Variants in KIRREL3 observed in about 807,000 individuals in gnomAD.
The protein encoded by KIRREL3 is kin of IRRE-like protein 3.
Under a neutral mutation model 89.7 loss-of-function variants are expected in KIRREL3, and 36 were observed. The ratio of observed to expected loss-of-function variants is 0.40; its 90% CI spans 0.31 to 0.53. The LOEUF is 0.53. Ranked by LOEUF, KIRREL3 falls within the 20% of genes least tolerant of loss-of-function variation. The pLI, the probability that KIRREL3 is intolerant of heterozygous loss-of-function variation, is 0.49. For synonymous variants in KIRREL3, 445 were observed against 441.4 expected, an observed-to-expected ratio of 1.01 and a Z score of -0.10; for missense variants, 864 against 1,056.6, an observed-to-expected ratio of 0.82 and a Z score of 2.53.
At position 126,868,268 on chromosome 11, in the gene KIRREL3, G is replaced by A. The variant is rs528622278; in HGVS notation, c.55+132187C>T. Reference sequence around the variant, plus strand: ...AGATTGGAAGAAGCTGCACCAGTGCGGTCCAGCAGGGCAGCCCTTGACTGA... The same window carrying A: ...AGATTGGAAGAAGCTGCACCAGTGCAGTCCAGCAGGGCAGCCCTTGACTGA... On this transcript the variant is annotated intron_variant, in intron 1 of 16. Coordinates refer to ENST00000525144, the MANE Select transcript of KIRREL3 (RefSeq NM_032531.4). 4.5e-4 allele frequency among the ~76,000 whole-genome samples: 46 copies of A among 101,230 alleles called. No individual in the cohort carries two copies. The South Asian group carries it at 0.019, about 42-fold the overall frequency. 66.4% of individuals were successfully genotyped at this position (101,230 alleles called of 152,430 possible).
In KIRREL3 at chr11:126,985,973, C is replaced by T. The variant is rs889125607; in HGVS notation, c.55+14482G>A. On this transcript the variant is annotated intron_variant, in intron 1 of 16. Coordinates refer to ENST00000525144, the MANE Select transcript of KIRREL3 (RefSeq NM_032531.4). The surrounding 1 kb of genome is among the most constrained non-coding windows in gnomAD (Gnocchi z 5.3). ...GCCTAAAATGAGTATCTCACAAACA[C>T]GCCAGCTCACTTAGTCTTTCTGTTT... is the stretch of plus-strand genomic sequence containing the variant. 7.9e-5 allele frequency among the ~76,000 whole-genome samples: 12 copies of T among 152,146 alleles called. No individual in the cohort carries two copies. Among genetic ancestry groups the T allele is most frequent in the African/African-American group, 1.4e-4 (6 of 41,422 alleles).
rs959001433 is a variant in KIRREL3 at position 126,666,084 on chromosome 11, T to A, written c.56-103172A>T. Among the ~76,000 whole-genome samples, 1 of 152,214 alleles carries A rather than the reference T, an allele frequency of 6.6e-6. No individual in the cohort carries two copies. The highest frequency in any genetic ancestry group is 1.5e-5 in the Non-Finnish European group (1 of 68,038). On this transcript the variant is annotated intron_variant, in intron 1 of 16. Transcript: ENST00000525144. The surrounding 1 kb of genome is among the most constrained non-coding windows in gnomAD (Gnocchi z 4.2). ...CGCTCCTCGGAGATTCTGATTTGCA[T>A]CCATGGTTCAGAACCACTTGCCTAC... is the stretch of plus-strand genomic sequence containing the variant.
At chr11:126,882,594 C>G (rs148510761) in intron 1 of KIRREL3, among the ~76,000 whole-genome samples, 3 of 152,354 alleles carry the variant, frequency 2.0e-5, no homozygotes, top group African/African-American at 7.2e-5. Context: ...GTCCCTCAAT[C>G]CTCTGGTCTG....
intron 1 of KIRREL3, among the ~76,000 whole-genome samples, chr11:126,695,132 T>C (rs181021349): frequency 7.2e-5 from 11 of 152,306 alleles, no homozygotes; most frequent in Non-Finnish European, 1.3e-4. Flanking sequence ...AAAGAGACCG[T>C]GGGGCCCACA....
intron 1 of KIRREL3, among the ~76,000 whole-genome samples, chr11:126,962,901 G>C (rs1436730149): frequency 7.2e-5 from 11 of 152,186 alleles, no homozygotes; most frequent in Admixed American, 6.5e-4. Flanking sequence ...TAAAGGCTCA[G>C]ATGATTGTTA....
rs1555090325 is a variant in KIRREL3 at position 126,923,187 on chromosome 11, C to CTTCTTCTTT, written c.55+77267_55+77268insAAAGAAGAA. ...TTCTTCTTCTTCTTCTCTTCTTCTTCTCTTCTTCTTCTTCTTCTTCTTCTT... is the reference window on the plus strand; with the variant it reads ...TTCTTCTTCTTCTTCTCTTCTTCTTCTTCTTCTTTTCTTCTTCTTCTTCTTCTTCTTCTT... On this transcript the variant is annotated intron_variant, in intron 1 of 16. Coordinates refer to ENST00000525144, the MANE Select transcript of KIRREL3 (RefSeq NM_032531.4). 3.3e-3 allele frequency among the ~76,000 whole-genome samples: 79 copies of CTTCTTCTTT among 23,850 alleles called. 25 individuals carry two copies. The highest frequency in any genetic ancestry group is 3.8e-3 in the Non-Finnish European group (51 of 13,498). The allele number at this position is 23,850 out of a possible 152,430, so 15.6% of individuals were successfully genotyped here. A position where few individuals can be genotyped will look rare whatever the true frequency, so the allele number is the denominator to read the frequency against.
intron 1 of KIRREL3, among the ~76,000 whole-genome samples, chr11:126,856,980 G>A (rs1217521961): frequency 3.3e-5 from 5 of 152,110 alleles, no homozygotes; most frequent in Admixed American, 6.5e-5. Context: ...TATAGCATGA[G>A]CATCCAGTTT....
intron 1 of KIRREL3, among the ~76,000 whole-genome samples, chr11:126,625,005 C>T (rs1943722588): frequency 6.6e-6 from 1 of 152,154 alleles, no homozygotes; most frequent in African/African-American, 2.4e-5. Flanking sequence ...TGGAAGCTTG[C>T]TGGGCCTTAG....
intron 1 of KIRREL3, among the ~76,000 whole-genome samples, chr11:126,984,854 G>A (rs1451453009): frequency 6.6e-6 from 1 of 152,178 alleles, no homozygotes; most frequent in East Asian, 1.9e-4. Context: ...AACCCAGGGA[G>A]GAGACCTGGA....
At chr11:126,469,438 C>T (rs960045642) in intron 5 of KIRREL3, among the ~76,000 whole-genome samples, 1 of 152,066 alleles carries the variant, frequency 6.6e-6, no homozygotes, top group African/African-American at 2.4e-5. Flanking sequence ...CTCCTTGCAG[C>T]CCTGGGGGAG....
chr11:126,794,263 A>G (rs1950734636), intron 1 of KIRREL3, among the ~76,000 whole-genome samples: 1 of 152,190 alleles, frequency 6.6e-6, no homozygotes, highest in Non-Finnish European at 1.5e-5. Context: ...TATCTCCTGG[A>G]TAATTTAGTA....
chr11:126,861,155 T>C (rs1488352833), intron 1 of KIRREL3, among the ~76,000 whole-genome samples: 1 of 152,286 alleles, frequency 6.6e-6, no homozygotes, highest in East Asian at 1.9e-4. Context: ...CTGGGAAAAT[T>C]AATTTACCTC....
chr11:126,810,902 C>T (rs1237761846), intron 1 of KIRREL3, among the ~76,000 whole-genome samples: 1 of 152,086 alleles, frequency 6.6e-6, no homozygotes, highest in Non-Finnish European at 1.5e-5. Flanking sequence ...TGTCTTAAGC[C>T]CCTCAAGCCC....
rs979159102 is a variant in KIRREL3, at chr11:126,428,640, C to T, written c.1806+539G>A. Among the ~76,000 whole-genome samples, 6 of 151,954 alleles carry T rather than the reference C, an allele frequency of 3.9e-5. No homozygotes were observed. In the South Asian group the frequency reaches 6.2e-4, roughly 16 times the overall value. On this transcript the variant is annotated intron_variant, in intron 15 of 16. Coordinates refer to ENST00000525144, the MANE Select transcript of KIRREL3 (RefSeq NM_032531.4). This position sits in a 1 kb window ranked among gnomAD's most constrained non-coding sequence, Gnocchi z 6.4. ...AGAGCCAGGCTCTCTGAAGGGTAGA[C>T]TGCATTTTTGTTGTTGTTGTTGTTT...
rs1010539886 is a variant in KIRREL3 at position 126,994,744 on chromosome 11, A to G, written c.55+5711T>C. ...TTAACGTGCAGTAGGGGGAGGTTCA[A>G]TGGGGGAGAAGATCCCCCACCCTCT... On this transcript the variant is annotated intron_variant, in intron 1 of 16. Coordinates refer to ENST00000525144, the MANE Select transcript of KIRREL3 (RefSeq NM_032531.4). The surrounding 1 kb of genome is among the most constrained non-coding windows in gnomAD (Gnocchi z 5.2). 4.6e-5 allele frequency among the ~76,000 whole-genome samples: 7 copies of G among 152,114 alleles called. No homozygotes were observed. Among genetic ancestry groups the G allele is most frequent in the Admixed American group, 1.3e-4 (2 of 15,266 alleles).
chr11:126,485,210 A>T lies in KIRREL3; in HGVS notation c.434-11744T>A, dbSNP rs963908971. ...CCAAGGAGGTTGGGGACAGAGAGAA[A>T]AGAGGAACAAGGAGCAAGACGCAGG... On this transcript the variant is annotated intron_variant, in intron 4 of 16. Transcript: ENST00000525144. This position sits in a 1 kb window ranked among gnomAD's most constrained non-coding sequence, Gnocchi z 5.8. Among the ~76,000 whole-genome samples, 1 of 152,176 alleles carries T rather than the reference A, an allele frequency of 6.6e-6. No individual in the cohort carries two copies. Among genetic ancestry groups the T allele is most frequent in the Non-Finnish European group, 1.5e-5 (1 of 68,030 alleles).
At chr11:126,596,794 A>G (rs1462785207) in intron 1 of KIRREL3, among the ~76,000 whole-genome samples, 1 of 152,202 alleles carries the variant, frequency 6.6e-6, no homozygotes, top group African/African-American at 2.4e-5. Flanking sequence ...TTAATAAGGT[A>G]ATAAGAACTG....
chr11:126,644,625 G>A (rs560220405), intron 1 of KIRREL3, among the ~76,000 whole-genome samples: 1 of 152,208 alleles, frequency 6.6e-6, no homozygotes, highest in Admixed American at 6.5e-5. Context: ...ATGGAGTCAT[G>A]TCCAGAAAAC....
In KIRREL3 at chr11:126,755,983, C is replaced by G. The variant is rs1253310859; in HGVS notation, c.56-193071G>C. On this transcript the variant is annotated intron_variant, in intron 1 of 16. Coordinates refer to ENST00000525144, the MANE Select transcript of KIRREL3 (RefSeq NM_032531.4). The surrounding 1 kb of genome is among the most constrained non-coding windows in gnomAD (Gnocchi z 4.3). Reference sequence around the variant, plus strand: ...TCTAGGTGTTATCTTGATATAAGAACAGGTATCATTAATTGACTAGCAATG... The same window carrying G: ...TCTAGGTGTTATCTTGATATAAGAAGAGGTATCATTAATTGACTAGCAATG... Among the ~76,000 whole-genome samples the G allele has an allele frequency of 6.6e-6, 1 of 152,028 alleles. No individual in the cohort carries two copies. The highest frequency in any genetic ancestry group is 2.4e-5 in the African/African-American group (1 of 41,376).
Sources: allele counts gnomAD v4.1 joint callset (sites outside exome capture counted in the v4.1 genomes callset), GRCh38; gene constraint gnomAD v4.1.1; non-coding constraint Gnocchi (gnomAD v3.1); transcripts MANE v1.5; gene names NCBI Gene and HGNC (gene_info 2026-07-23, HGNC 2026-07-21).